GOSR2: variants seen among roughly 807,000 people sequenced by gnomAD.
The protein encoded by GOSR2 is golgi SNAP receptor complex member 2.
In GOSR2, 20 loss-of-function variants were observed where a neutral mutation model predicts 27.9. The observed-to-expected ratio is 0.72, with a 90% CI of 0.50 to 1.04. The LOEUF (loss-of-function observed/expected upper bound fraction) is 1.04. Ranked by LOEUF, GOSR2 falls within the 50% of genes least tolerant of loss-of-function variation. The pLI is 0.00. For missense variants in GOSR2, 261 were observed against 270.5 expected, an observed-to-expected ratio of 0.97 and a Z score of 0.25; for synonymous variants, 91 against 98.8, an observed-to-expected ratio of 0.92 and a Z score of 0.47.
intron 6 of GOSR2, among the ~76,000 whole-genome samples, chr17:46,957,320 AAAG>A (rs1479646244): frequency 1.3e-5 from 2 of 152,110 alleles, no homozygotes; most frequent in Admixed American, 6.5e-5. Context: ...GAAAACAAAA[AAAG>A]AAACCCAGGC....
At chr17:46,923,632 G>A (rs2086034065) in intron 1 of GOSR2, 13 of 1,188,136 alleles carry the variant, frequency 1.1e-5, no homozygotes, top group South Asian at 4.2e-5. Flanking sequence ...GGAGAGTCAG[G>A]GCACGTACGG....
chr17:46,971,027 T>G (rs1235599007), downstream of GOSR2, among the ~76,000 whole-genome samples: 3 of 152,208 alleles, frequency 2.0e-5, no homozygotes. Context: ...CTTTTTTTTG[T>G]TGCTATAAAT....
intron 6 of GOSR2, among the ~76,000 whole-genome samples, chr17:46,953,747 G>A (rs1226005819): frequency 1.3e-5 from 2 of 152,152 alleles, no homozygotes; most frequent in Non-Finnish European, 2.9e-5. Flanking sequence ...GGTGTGAGAT[G>A]GTATCTCATT....
In GOSR2 at chr17:46,940,072, A is replaced by T; in HGVS notation, c.*1312A>T. The T allele has an allele frequency of 2.7e-6, 3 of 1,093,748 alleles. No individual in the cohort carries two copies. In the South Asian group the frequency reaches 9.4e-5, roughly 34 times the overall value. The allele number at this position is 1,093,748 out of a possible 1,614,324, so 67.8% of individuals were successfully genotyped here. On this transcript the variant is annotated 3_prime_UTR_variant, in exon 6 of 6. Coordinates refer to ENST00000640051, the MANE Select transcript of GOSR2 (RefSeq NM_004287.5). ...TGCTCTGTTAGTTTCTTGTTGCTTGAACTGTCTTCTGTCTTATTTCCCTTC... is the reference window on the plus strand; with the variant it reads ...TGCTCTGTTAGTTTCTTGTTGCTTGTACTGTCTTCTGTCTTATTTCCCTTC...
exon 7 of GOSR2, chr17:46,966,772 C>T (rs921294919): frequency 2.2e-6 from 1 of 455,404 alleles, no homozygotes; most frequent in Non-Finnish European, 3.9e-6. Context: ...GACAATAGCA[C>T]CTGCCTTGCA....
rs1480325726 is a variant in GOSR2, at chr17:46,935,312, T to G, written c.477+143T>G. 5 of 1,532,058 alleles carry G rather than the reference T, an allele frequency of 3.3e-6. No homozygotes were observed. The East Asian group carries it at 1.1e-4, about 35-fold the overall frequency. The allele number at this position is 1,532,058 out of a possible 1,614,324, so 94.9% of individuals were successfully genotyped here. On this transcript the variant is annotated intron_variant, in intron 5 of 5. Coordinates refer to ENST00000640051, the MANE Select transcript of GOSR2 (RefSeq NM_004287.5). ...GACAGAGCCCTTGAGTTTGGGATCC[T>G]TTCTGTTGGAGTTGAGTTATTGTGA... is the stretch of plus-strand genomic sequence containing the variant.
At chr17:46,926,868 C>T (rs138001970) in intron 1 of GOSR2, among the ~76,000 whole-genome samples, 1 of 152,314 alleles carries the variant, frequency 6.6e-6, no homozygotes, top group East Asian at 1.9e-4. Context: ...CTTTGATGAA[C>T]GTCCTGCCAT....
chr17:46,939,901 C>G lies in GOSR2; in HGVS notation c.*1141C>G. On this transcript the variant is annotated 3_prime_UTR_variant, in exon 6 of 6. Coordinates refer to ENST00000640051, the MANE Select transcript of GOSR2 (RefSeq NM_004287.5). ...TGAATCACTGAAAGTCTCAGAAAGA[C>G]CTGGTTAGTGTATGTTCTCATTTAC... 1 of 993,408 alleles carries G rather than the reference C, an allele frequency of 1.0e-6. No homozygotes were observed. The highest frequency in any genetic ancestry group is 1.2e-6 in the Non-Finnish European group (1 of 833,876). The allele number at this position is 993,408 out of a possible 1,614,324, so 61.5% of individuals were successfully genotyped here.
intron 5 of GOSR2, chr17:46,937,727 G>C (rs1487001656): frequency 6.6e-6 from 1 of 152,134 alleles, no homozygotes; most frequent in Non-Finnish European, 1.5e-5. Context: ...ATGTTTCCAA[G>C]GTTCATTCAT....
chr17:46,924,163 TTCTC>T (rs1312273784), intron 1 of GOSR2: 2 of 298,734 alleles, frequency 6.7e-6, no homozygotes, highest in Non-Finnish European at 6.1e-6. Flanking sequence ...TCTGTTTTAC[TTCTC>T]TCTATGAGTT....
intron 6 of GOSR2, among the ~76,000 whole-genome samples, chr17:46,951,936 C>T (rs929785711): frequency 6.6e-6 from 1 of 152,168 alleles, no homozygotes; most frequent in African/African-American, 2.4e-5. Flanking sequence ...CATGTTCACC[C>T]CCACCAGGAA....
At chr17:46,965,888 C>T (rs902428665) in intron 6 of GOSR2, among the ~76,000 whole-genome samples, 3 of 151,534 alleles carry the variant, frequency 2.0e-5, no homozygotes, top group Non-Finnish European at 4.4e-5. Flanking sequence ...GCCTTGGCCT[C>T]CCAAAGTGCT....
chr17:46,949,710 G>A (rs2090185204), intron 6 of GOSR2, among the ~76,000 whole-genome samples: 1 of 152,220 alleles, frequency 6.6e-6, no homozygotes, highest in South Asian at 2.1e-4. Flanking sequence ...ACTTACCCTG[G>A]AACCCTGGAG....
chr17:46,949,779 C>T (rs1373732382), intron 6 of GOSR2, among the ~76,000 whole-genome samples: 1 of 152,110 alleles, frequency 6.6e-6, no homozygotes, highest in East Asian at 1.9e-4. Context: ...CCTGGGCGGA[C>T]GGTCTCAGCA....
At chr17:46,973,189 C>T (rs2091410759) in intron 6 of GOSR2, 2 of 153,834 alleles carry the variant, frequency 1.3e-5, no homozygotes, top group Middle Eastern at 5.2e-4. Context: ...GCCATTTCTG[C>T]TGTACCCACT....
downstream of GOSR2, among the ~76,000 whole-genome samples, chr17:46,967,287 G>A (rs1297545228): frequency 6.6e-6 from 1 of 152,220 alleles, no homozygotes; most frequent in African/African-American, 2.4e-5. Flanking sequence ...CCTCAAACAA[G>A]TCTCTTACCC....
At chr17:46,948,710 G>A (rs1012661945) in intron 6 of GOSR2, 3 of 152,230 alleles carry the variant, frequency 2.0e-5, no homozygotes, top group Admixed American at 1.3e-4. Context: ...TTACTGCTGG[G>A]GTTAGATACT....
downstream of GOSR2, among the ~76,000 whole-genome samples, chr17:46,970,214 C>T (rs2091377089): frequency 6.6e-6 from 1 of 152,162 alleles, no homozygotes; most frequent in Non-Finnish European, 1.5e-5. Flanking sequence ...GTACAGCTTC[C>T]ATCCTAAAGC....
chr17:46,942,356 T>C (rs1227281159), downstream of GOSR2, among the ~76,000 whole-genome samples: 2 of 152,182 alleles, frequency 1.3e-5, no homozygotes, highest in African/African-American at 4.8e-5. Flanking sequence ...TCTGAAACCC[T>C]CTCACTTATG....
Sources: gnomAD v4.1 joint callset for allele counts (sites outside exome capture counted in the v4.1 genomes callset) on GRCh38, gnomAD v4.1.1 for gene constraint, MANE v1.5 for transcripts, NCBI Gene and HGNC (gene_info 2026-07-23, HGNC 2026-07-21) for gene names.